Variants in MTMR2 observed in about 807,000 individuals in gnomAD.
MTMR2 encodes the protein myotubularin related protein 2.
Under a neutral mutation model 86.9 loss-of-function variants are expected in MTMR2, and 55 were observed. The ratio of observed to expected loss-of-function variants is 0.63; its 90% CI spans 0.51 to 0.79. MTMR2 has a LOEUF of 0.79. MTMR2 is among the 30% of genes least tolerant of loss of function. MTMR2 has a pLI of 0.00. For synonymous variants in MTMR2, 241 were observed against 266.8 expected, an observed-to-expected ratio of 0.90 and a Z score of 0.94; for missense variants, 659 against 772.3, an observed-to-expected ratio of 0.85 and a Z score of 1.74.
intron 2 of MTMR2, among the ~76,000 whole-genome samples, chr11:95,870,336 C>T (rs996555724): frequency 1.2e-4 from 18 of 151,474 alleles, no homozygotes; most frequent in Non-Finnish European, 2.4e-4. Context: ...TAAACTTGAC[C>T]AGTCATGTAA....
chr11:95,875,408 T>C (rs1379402706), intron 2 of MTMR2, among the ~76,000 whole-genome samples: 1 of 152,190 alleles, frequency 6.6e-6, no homozygotes, highest in Non-Finnish European at 1.5e-5. Context: ...GGCTTGTGCA[T>C]TCGTCACGTA....
Position 95,847,778 on chromosome 11 carries a change from G to A in MTMR2, c.1115C>T (p.Pro372Leu). 1 of 1,613,554 alleles carries A rather than the reference G, an allele frequency of 6.2e-7. No homozygotes were observed. The highest frequency in any genetic ancestry group is 8.5e-7 in the Non-Finnish European group (1 of 1,179,600). The change falls in exon 10 of 15, where the codon CCC (proline) becomes CTC (leucine). Residue 372 changes from proline (P) to leucine (L), a missense_variant. Around this residue, in one of 3 missense-constraint regions of MTMR2, gnomAD observed 387 missense variants for 526.3 expected, o/e 0.74. Coordinates refer to ENST00000346299, the MANE Select transcript of MTMR2 (RefSeq NM_016156.6). Reference protein sequence around the residue: ...SLRKLKEIVYPNIEETHWLSN... With the variant: ...SLRKLKEIVYLNIEETHWLSN... ...CAACCAGTGGGTTTCCTCAATGTTG[G>A]GGTACACAATCTCCTTAAGTTTTCG...
In MTMR2 at chr11:95,857,420, C is replaced by T. The variant is rs531776910; in HGVS notation, c.654+132G>A. The T allele has an allele frequency of 5.8e-6, 4 of 691,194 alleles. No homozygotes were observed. The East Asian group carries it at 1.1e-4, about 19-fold the overall frequency. The allele number at this position is 691,194 out of a possible 1,614,324, so 42.8% of individuals were successfully genotyped here. On this transcript the variant is annotated intron_variant, in intron 7 of 14. Transcript: ENST00000346299. ...CTAAAACAGATTTCAAGATTGAATT[C>T]TGCTTTAATCTCTTAATGTGGTGAA...
At chr11:95,877,015 C>A (rs574848738) in intron 2 of MTMR2, among the ~76,000 whole-genome samples, 2 of 152,136 alleles carry the variant, frequency 1.3e-5, no homozygotes, top group Non-Finnish European at 2.9e-5. Context: ...ATAATAATCA[C>A]CTGAAAGGGA....
chr11:95,849,988 G>A lies in MTMR2; in HGVS notation c.805-126C>T, dbSNP rs1863955916. 5 of 884,412 alleles carry A rather than the reference G, an allele frequency of 5.7e-6. No individual in the cohort carries two copies. In the South Asian group the frequency reaches 6.0e-5, roughly 11 times the overall value. The allele number at this position is 884,412 out of a possible 1,614,324, so 54.8% of individuals were successfully genotyped here. A position where few individuals can be genotyped will look rare whatever the true frequency, so the allele number is the denominator to read the frequency against. On this transcript the variant is annotated intron_variant, in intron 8 of 14. Transcript: ENST00000346299. ...AGCCTGGCCATGAAAGGACATCTGAGGCTGCTAAGAAAAATCATCACCTTT... is the reference window on the plus strand; with the variant it reads ...AGCCTGGCCATGAAAGGACATCTGAAGCTGCTAAGAAAAATCATCACCTTT...
chr11:95,886,746 A>G (rs1865525353), intron 2 of MTMR2, among the ~76,000 whole-genome samples: 1 of 152,188 alleles, frequency 6.6e-6, no homozygotes, highest in East Asian at 1.9e-4. Flanking sequence ...TTTTAACTAA[A>G]TAAATCTGAC....
At chr11:95,892,586 T>C (rs984908540) in intron 1 of MTMR2, among the ~76,000 whole-genome samples, 1 of 152,178 alleles carries the variant, frequency 6.6e-6, no homozygotes, top group Non-Finnish European at 1.5e-5. Flanking sequence ...GGTCCCCAGA[T>C]TTCCTAGGCC....
chr11:95,839,860 A>G (rs901852464), intron 12 of MTMR2, among the ~76,000 whole-genome samples: 18 of 152,212 alleles, frequency 1.2e-4, no homozygotes, highest in Non-Finnish European at 4.4e-5. Context: ...CACTAGGTGT[A>G]TAAAATAAAG....
At chr11:95,905,816 T>C (rs1326801488) in intron 1 of MTMR2, among the ~76,000 whole-genome samples, 2 of 151,962 alleles carry the variant, frequency 1.3e-5, no homozygotes, top group African/African-American at 2.4e-5. Flanking sequence ...AGGCCAGATA[T>C]ATTCACACTA....
intron 1 of MTMR2, among the ~76,000 whole-genome samples, chr11:95,906,505 G>A (rs928726336): frequency 3.9e-5 from 6 of 152,190 alleles, no homozygotes; most frequent in East Asian, 1.9e-4. Context: ...AGAAACTAAC[G>A]AAGATATTCA....
At position 95,924,098 on chromosome 11, in the gene MTMR2, C is replaced by T. The variant is rs1320358632; in HGVS notation, c.-144G>A. ...GGGAGACCGGAAGCGGCCATGTTCC[C>T]CCAGAGTGCACCGCGCCTGTAGGCT... is the stretch of plus-strand genomic sequence containing the variant. On this transcript the variant is annotated 5_prime_UTR_variant, in exon 1 of 15. Transcript: ENST00000346299. 15 of 1,057,670 alleles carry T rather than the reference C, an allele frequency of 1.4e-5. No homozygotes were observed. The East Asian group carries it at 3.4e-4, about 24-fold the overall frequency. The allele number at this position is 1,057,670 out of a possible 1,614,324, so 65.5% of individuals were successfully genotyped here.
intron 1 of MTMR2, among the ~76,000 whole-genome samples, chr11:95,909,143 C>G (rs1294124702): frequency 1.3e-5 from 2 of 151,998 alleles, no homozygotes; most frequent in African/African-American, 2.4e-5. Flanking sequence ...AAGCAATGAT[C>G]CACTCTTTTG....
intron 13 of MTMR2, 105 bp from the exon 14 acceptor site, chr11:95,836,429 G>T: frequency 8.9e-7 from 1 of 1,124,050 alleles, no homozygotes; most frequent in Non-Finnish European, 1.3e-6. Flanking sequence ...TCTCTTTAGA[G>T]GAAGTGGACT....
intron 1 of MTMR2, among the ~76,000 whole-genome samples, chr11:95,905,530 A>T (rs1187107573): frequency 6.6e-5 from 10 of 152,326 alleles, no homozygotes; most frequent in Non-Finnish European, 1.5e-4. Context: ...GGGGCTAAGA[A>T]ACAAAAGTAA....
intron 1 of MTMR2, among the ~76,000 whole-genome samples, chr11:95,919,517 G>A (rs1038570822): frequency 2.0e-5 from 3 of 152,062 alleles, no homozygotes; most frequent in African/African-American, 7.2e-5. Flanking sequence ...GTTATATGAA[G>A]GATGACAAGA....
At chr11:95,899,045 A>C (rs941641363) in intron 1 of MTMR2, among the ~76,000 whole-genome samples, 3 of 152,180 alleles carry the variant, frequency 2.0e-5, no homozygotes, top group African/African-American at 4.8e-5. Flanking sequence ...TATTTCTGTA[A>C]GCAATGAGAG....
chr11:95,900,722 T>A (rs1866043631), intron 1 of MTMR2, among the ~76,000 whole-genome samples: 1 of 152,180 alleles, frequency 6.6e-6, no homozygotes, highest in Non-Finnish European at 1.5e-5. Context: ...TGTGTGCATG[T>A]GCGTGTGCAC....
intron 1 of MTMR2, among the ~76,000 whole-genome samples, chr11:95,920,481 CTT>C (rs10572906): frequency 0.061 from 8,615 of 141,602 alleles, 782 homozygotes; most frequent in African/African-American, 0.2. Flanking sequence ...CTGACGATTA[CTT>C]TTTTTTTTTT....
In MTMR2 at chr11:95,834,860, A is replaced by AT. The variant is rs1863186462; in HGVS notation, c.*429dup. 4.7e-6 allele frequency: 1 copy of AT among 214,350 alleles called. No individual in the cohort carries two copies. The highest frequency in any genetic ancestry group is 2.3e-5 in the African/African-American group (1 of 43,378). 13.3% of individuals were successfully genotyped at this position (214,350 alleles called of 1,614,324 possible). A position where few individuals can be genotyped will look rare whatever the true frequency, so the allele number is the denominator to read the frequency against. ...GGATATCAAATGATTTTGATCTGTC[A>AT]TGACATCAAGGCCCAATATATGTGA... On this transcript the variant is annotated 3_prime_UTR_variant, in exon 15 of 15. Transcript: ENST00000346299.
Sources: allele counts gnomAD v4.1 joint callset (sites outside exome capture counted in the v4.1 genomes callset), GRCh38; gene constraint gnomAD v4.1.1; regional missense constraint gnomAD v4.1.1; transcripts MANE v1.5; gene names NCBI Gene and HGNC (gene_info 2026-07-23, HGNC 2026-07-21).